PRKAR2B: variants seen among roughly 807,000 people sequenced by gnomAD.
The protein encoded by PRKAR2B is cAMP-dependent protein kinase type II-beta regulatory subunit.
Under a neutral mutation model 49.9 loss-of-function variants are expected in PRKAR2B, and 14 were observed. The observed-to-expected ratio is 0.28, with a 90% CI of 0.19 to 0.44. PRKAR2B has a LOEUF of 0.44. Among genes scored for constraint, PRKAR2B ranks in the 20% least tolerant of loss-of-function variants. The probability of loss-of-function intolerance (pLI) is 1.00; values close to 1 mark genes in which losing one functional copy is unlikely to be tolerated. For synonymous variants in PRKAR2B, 196 were observed against 197.7 expected, an observed-to-expected ratio of 0.99 and a Z score of 0.07; for missense variants, 393 against 537.9, an observed-to-expected ratio of 0.73 and a Z score of 2.67.
At chr7:107,142,961 C>A (rs1027589207) in intron 5 of PRKAR2B, among the ~76,000 whole-genome samples, 16 of 152,132 alleles carry the variant, frequency 1.1e-4, no homozygotes, top group African/African-American at 3.1e-4. Context: ...CAAGGTATCA[C>A]CATGTTGGTC....
chr7:107,060,377 T>G (rs1794002406), intron 1 of PRKAR2B, among the ~76,000 whole-genome samples: 1 of 152,226 alleles, frequency 6.6e-6, no homozygotes, highest in African/African-American at 2.4e-5. Context: ...ATTTTCACAT[T>G]GAAGCGAACA....
chr7:107,139,438 T>C (rs1290098785), intron 4 of PRKAR2B, among the ~76,000 whole-genome samples: 1 of 152,214 alleles, frequency 6.6e-6, no homozygotes, highest in Non-Finnish European at 1.5e-5. Context: ...ATTTGGCTGC[T>C]AGGCATTCTG....
chr7:107,114,028 C>G (rs1181138944), intron 2 of PRKAR2B, among the ~76,000 whole-genome samples: 1 of 152,090 alleles, frequency 6.6e-6, no homozygotes, highest in African/African-American at 2.4e-5. Context: ...GCTCTGTCCT[C>G]TTAATTGTGC....
intron 2 of PRKAR2B, among the ~76,000 whole-genome samples, chr7:107,084,135 A>G (rs1373117603): frequency 1.3e-5 from 2 of 152,204 alleles, no homozygotes; most frequent in South Asian, 2.1e-4. Flanking sequence ...AGAAAAGACA[A>G]TTGTTAGGCA....
rs1165449833 is a variant in PRKAR2B at position 107,160,410 on chromosome 7, C to T, written c.*828C>T. 2 of 152,058 alleles carry T rather than the reference C, an allele frequency of 1.3e-5. No individual in the cohort carries two copies. Among genetic ancestry groups the T allele is most frequent in the African/African-American group, 4.8e-5 (2 of 41,418 alleles). The allele number at this position is 152,058 out of a possible 1,614,324, so 9.4% of individuals were successfully genotyped here. Reference sequence around the variant, plus strand: ...TTGTTTTTTTAAAAAGTGATTTAAACTTAAGATCCGACATTTTTTGTATTC... The same window carrying T: ...TTGTTTTTTTAAAAAGTGATTTAAATTTAAGATCCGACATTTTTTGTATTC... On this transcript the variant is annotated 3_prime_UTR_variant, in exon 11 of 11. Coordinates refer to ENST00000265717, the MANE Select transcript of PRKAR2B (RefSeq NM_002736.3).
chr7:107,089,061 C>A, intron 2 of PRKAR2B, among the ~76,000 whole-genome samples: 1 of 151,680 alleles, frequency 6.6e-6, no homozygotes, highest in Non-Finnish European at 1.5e-5. Context: ...CTCTGCTACT[C>A]GGTAGGCTGA....
At chr7:107,053,282 T>G (rs1446725599) in intron 1 of PRKAR2B, among the ~76,000 whole-genome samples, 1 of 152,220 alleles carries the variant, frequency 6.6e-6, no homozygotes, top group Non-Finnish European at 1.5e-5. Context: ...ATATATTGAC[T>G]TATATGTATG....
At chr7:107,102,601 T>C (rs1794993708) in intron 2 of PRKAR2B, among the ~76,000 whole-genome samples, 1 of 152,220 alleles carries the variant, frequency 6.6e-6, no homozygotes, top group South Asian at 2.1e-4. Flanking sequence ...CCCCCCAATT[T>C]TGGGGTTCAC....
intron 2 of PRKAR2B, among the ~76,000 whole-genome samples, chr7:107,097,521 AATGTTATG>A (rs1794867906): frequency 6.6e-6 from 1 of 152,154 alleles, no homozygotes; most frequent in Admixed American, 6.5e-5. Flanking sequence ...TAAGGTTAAT[AATGTTATG>A]TGTAAATTTG....
In PRKAR2B at chr7:107,146,320, T is replaced by C. The variant is rs1795891755; in HGVS notation, c.600T>C (p.Asp200=). 6.2e-6 allele frequency: 10 copies of C among 1,613,912 alleles called. No individual in the cohort carries two copies. Among genetic ancestry groups the C allele is most frequent in the African/African-American group, 1.3e-5 (1 of 74,928 alleles). Residue 200 remains aspartate, a synonymous_variant, in exon 6 of 11, where the codon GAT becomes GAC. Transcript: ENST00000265717. Reference sequence around the variant, plus strand: ...ATATGTCCAACAGAGGCACATTTGATATTTATGTGAAATGTGATGGTGTTG... The same window carrying C: ...ATATGTCCAACAGAGGCACATTTGACATTTATGTGAAATGTGATGGTGTTG... The part of the protein sequence containing the change: ...NFYVIDRGTF[D]IYVKCDGVGR...
At chr7:107,118,020 A>G (rs1018906471) in intron 2 of PRKAR2B, among the ~76,000 whole-genome samples, 1 of 152,352 alleles carries the variant, frequency 6.6e-6, no homozygotes, top group Middle Eastern at 3.4e-3. Flanking sequence ...GCCAAACAAA[A>G]AGGATGAAGT....
chr7:107,074,979 G>C (rs1794368827), intron 2 of PRKAR2B, among the ~76,000 whole-genome samples: 1 of 151,664 alleles, frequency 6.6e-6, no homozygotes, highest in Non-Finnish European at 1.5e-5. Flanking sequence ...TTTTCTCTGT[G>C]AATTTGTATG....
intron 2 of PRKAR2B, among the ~76,000 whole-genome samples, chr7:107,093,185 C>T (rs982936746): frequency 3.3e-5 from 5 of 152,150 alleles, no homozygotes; most frequent in Non-Finnish European, 5.9e-5. Context: ...TGAATATGGA[C>T]GTACAGATAT....
chr7:107,120,237 C>T (rs1046561591), intron 2 of PRKAR2B, among the ~76,000 whole-genome samples: 1 of 152,140 alleles, frequency 6.6e-6, no homozygotes, highest in East Asian at 1.9e-4. Flanking sequence ...TAGAATGCTT[C>T]CAGCATCCCT....
chr7:107,146,570 G>A (rs1795899017), intron 6 of PRKAR2B, 109 bp downstream of exon 6: 1 of 1,248,986 alleles, frequency 8.0e-7, no homozygotes, highest in Non-Finnish European at 1.1e-6. Flanking sequence ...TCAGTCATCA[G>A]GTAATTTATT....
intron 1 of PRKAR2B, among the ~76,000 whole-genome samples, chr7:107,054,714 G>A (rs539643564): frequency 8.5e-5 from 13 of 152,124 alleles, no homozygotes; most frequent in Non-Finnish European, 1.6e-4. Flanking sequence ...CTCACAGTAG[G>A]TGTGCAAATG....
intron 1 of PRKAR2B, among the ~76,000 whole-genome samples, chr7:107,064,061 A>G (rs1584406614): frequency 6.6e-6 from 1 of 152,320 alleles, no homozygotes; most frequent in South Asian, 2.1e-4. Flanking sequence ...CTTAACTCTG[A>G]GCCCACATTT....
intron 1 of PRKAR2B, among the ~76,000 whole-genome samples, chr7:107,048,538 TGACAAACGTAG>T (rs1793741475): frequency 6.6e-6 from 1 of 152,330 alleles, no homozygotes; most frequent in East Asian, 1.9e-4. Context: ...TTGTGCCCAT[TGACAAACGTAG>T]GACAAACGTA....
At chr7:107,145,360 C>T (rs1309639419) in intron 5 of PRKAR2B, among the ~76,000 whole-genome samples, 1 of 152,178 alleles carries the variant, frequency 6.6e-6, no homozygotes, top group Non-Finnish European at 1.5e-5. Context: ...ATAAAGGACC[C>T]TAGTAAGTTT....
Sources: allele counts gnomAD v4.1 joint callset (sites outside exome capture counted in the v4.1 genomes callset), GRCh38; gene constraint gnomAD v4.1.1; transcripts MANE v1.5; gene names NCBI Gene and HGNC (gene_info 2026-07-23, HGNC 2026-07-21).